ZMYND8: variants seen among roughly 807,000 people sequenced by gnomAD.
The protein encoded by ZMYND8 is MYND-type zinc finger-containing chromatin reader ZMYND8.
ZMYND8 carries 37 observed loss-of-function variants against 140.8 expected under a neutral mutation model. The ratio of observed to expected loss-of-function variants is 0.26; its 90% CI spans 0.20 to 0.35. ZMYND8 has a LOEUF of 0.35. Among genes scored for constraint, ZMYND8 ranks in the 10% least tolerant of loss-of-function variants. ZMYND8 has a pLI of 1.00. For synonymous variants in ZMYND8, 592 were observed against 597.1 expected (o/e 0.99, Z 0.12); for missense variants, 1,068 against 1,570.0 (o/e 0.68, Z 5.40).
At chr20:47,212,973 A>G (rs551854132) in intron 21 of ZMYND8, among the ~76,000 whole-genome samples, 1 of 152,354 alleles carries the variant, frequency 6.6e-6, no homozygotes, top group East Asian at 1.9e-4. Flanking sequence ...TAAGGTATAC[A>G]ATGACATAAA....
chr20:47,293,148 A>AAGGAAGGAAGGAAGGAAGGAAGGG (rs2077390073), intron 5 of ZMYND8, among the ~76,000 whole-genome samples: 1 of 83,292 alleles, frequency 1.2e-5, no homozygotes, highest in African/African-American at 6.6e-5. Flanking sequence ...GGAAGGAAGG[A>AAGGAAGGAAGGAAGGAAGGAAGGG]AGGGAGGGAG....
intron 12 of ZMYND8, among the ~76,000 whole-genome samples, chr20:47,259,298 A>C (rs1283511632): frequency 6.6e-6 from 1 of 152,174 alleles, no homozygotes; most frequent in Non-Finnish European, 1.5e-5. Flanking sequence ...CTTTTCACTC[A>C]AGTGAGGAAC....
At chr20:47,287,860 G>GCACACACA (rs1259919582) in intron 7 of ZMYND8, among the ~76,000 whole-genome samples, 7 of 140,886 alleles carry the variant, frequency 5.0e-5, no homozygotes, top group African/African-American at 8.2e-5. Flanking sequence ...ACGCACACAC[G>GCACACACA]CACACACATA....
At position 47,209,610 on chromosome 20, in the gene ZMYND8, TACA is replaced by T. The variant is rs2034992532; in HGVS notation, c.*1148_*1150del. 1.3e-5 allele frequency: 2 copies of T among 152,650 alleles called. No individual in the cohort carries two copies. Among genetic ancestry groups the T allele is most frequent in the African/African-American group, 4.8e-5 (2 of 41,576 alleles). The allele number at this position is 152,650 out of a possible 1,614,324, so 9.5% of individuals were successfully genotyped here. Reference sequence around the variant, plus strand: ...AGAGAAAGTAAACAAGACTAAAATGTACAACAAAACGTACTGGAATGATATCGT... The same window carrying T: ...AGAGAAAGTAAACAAGACTAAAATGTACAAAACGTACTGGAATGATATCGT... On this transcript the variant is annotated 3_prime_UTR_variant, in exon 23 of 23. Coordinates refer to ENST00000471951, the MANE Select transcript of ZMYND8 (RefSeq NM_001281775.3).
chr20:47,227,483 AT>A (rs1386752694), intron 17 of ZMYND8, among the ~76,000 whole-genome samples: 1 of 152,228 alleles, frequency 6.6e-6, no homozygotes, highest in Non-Finnish European at 1.5e-5. Context: ...TAAACAGGCC[AT>A]CAATTCCAAG....
chr20:47,286,994 TAAAAAACA>T (rs2076963970), intron 8 of ZMYND8, among the ~76,000 whole-genome samples: 2 of 151,898 alleles, frequency 1.3e-5, no homozygotes, highest in Admixed American at 1.3e-4. Context: ...GACTCAAGGG[TAAAAAACA>T]AAAAATCCTT....
chr20:47,294,877 G>C, intron 4 of ZMYND8, 98 bp from the exon 5 acceptor site: 1 of 1,122,562 alleles, frequency 8.9e-7, no homozygotes, highest in Non-Finnish European at 1.3e-6. Flanking sequence ...CAGACAAAAA[G>C]CAATTCTCAT....
Position 47,210,476 on chromosome 20 carries a change from T to A in ZMYND8, c.*285A>T. ...TTTTTTTTTAATAAGTTAAAGTTAA[T>A]ACAAATATAAAAAGGGGAAAGTCCT... On this transcript the variant is annotated 3_prime_UTR_variant, in exon 23 of 23. Coordinates refer to ENST00000471951, the MANE Select transcript of ZMYND8 (RefSeq NM_001281775.3). The A allele has an allele frequency of 2.8e-5, 6 of 217,468 alleles. No individual in the cohort carries two copies. The highest frequency in any genetic ancestry group is 3.6e-5 in the Non-Finnish European group (4 of 111,244). 13.5% of individuals were successfully genotyped at this position (217,468 alleles called of 1,614,324 possible). A position where few individuals can be genotyped will look rare whatever the true frequency, so the allele number is the denominator to read the frequency against.
intron 22 of ZMYND8, among the ~76,000 whole-genome samples, chr20:47,212,308 C>T (rs181005269): frequency 6.6e-6 from 1 of 152,270 alleles, no homozygotes; most frequent in East Asian, 1.9e-4. Context: ...ATCTGCAGGC[C>T]CTCACTCCTC....
Position 47,210,563 on chromosome 20 carries a change from G to T in ZMYND8, c.*198C>A. On this transcript the variant is annotated 3_prime_UTR_variant, in exon 23 of 23. Coordinates refer to ENST00000471951, the MANE Select transcript of ZMYND8 (RefSeq NM_001281775.3). ...ACACCAAAAGCACAGGGCTCGTGTG[G>T]GTGAACAGTCTGCAGTCAAAGCCGA... The T allele has an allele frequency of 4.3e-6, 3 of 699,134 alleles. No individual in the cohort carries two copies. Among genetic ancestry groups the T allele is most frequent in the Non-Finnish European group, 2.4e-6 (1 of 410,308 alleles). 43.3% of individuals were successfully genotyped at this position (699,134 alleles called of 1,614,324 possible). A position where few individuals can be genotyped will look rare whatever the true frequency, so the allele number is the denominator to read the frequency against.
At chr20:47,291,710 TTGTGATAGAGCATAGGCAG>T in intron 6 of ZMYND8, 67 bp downstream of exon 6, 1 of 998,168 alleles carries the variant, frequency 1.0e-6, no homozygotes. Flanking sequence ...TATGTCCAAC[TTGTGATAGAGCATAGGCAG>T]TGAGGGAAGA....
intron 12 of ZMYND8, among the ~76,000 whole-genome samples, chr20:47,254,736 G>T (rs1208524395): frequency 6.6e-6 from 1 of 152,006 alleles, no homozygotes; most frequent in African/African-American, 2.4e-5. Context: ...GGTGGGGTGG[G>T]GTGGAGGGGC....
At chr20:47,246,641 T>G (rs3746486) in intron 13 of ZMYND8, 124 bp from the exon 14 acceptor site, 1 of 1,348,448 alleles carries the variant, frequency 7.4e-7, no homozygotes, top group African/African-American at 1.5e-5. Flanking sequence ...TCGCATCACA[T>G]TGGCCTAAAT....
intron 5 of ZMYND8, among the ~76,000 whole-genome samples, 178 bp downstream of exon 5, chr20:47,294,488 C>T (rs2077517423): frequency 2.0e-5 from 3 of 152,110 alleles, no homozygotes; most frequent in African/African-American, 7.2e-5. Context: ...GTGCTTACTA[C>T]GACAGAGAAT....
Position 47,227,187 on chromosome 20 carries a change from G to C in ZMYND8, c.3016+16C>G, listed in dbSNP as rs377305459. On this transcript the variant is annotated intron_variant, in intron 18 of 22. Transcript: ENST00000471951. ...CCAAAACCCTCCTCAGTCCAGACCA[G>C]TGTGTCAGGCCTTACCTAAGTTGTG... The C allele has an allele frequency of 1.2e-6, 2 of 1,613,946 alleles. No individual in the cohort carries two copies. Among genetic ancestry groups the C allele is most frequent in the African/African-American group, 1.3e-5 (1 of 74,914 alleles).
At chr20:47,356,015 C>G (rs527389158) in intron 1 of ZMYND8, among the ~76,000 whole-genome samples, 1 of 151,952 alleles carries the variant, frequency 6.6e-6, no homozygotes, top group Non-Finnish European at 1.5e-5. Context: ...AAGAGAAGAC[C>G]GTGTACAGAC....
At chr20:47,224,999 C>T (rs553962265) in intron 18 of ZMYND8, among the ~76,000 whole-genome samples, 8 of 152,288 alleles carry the variant, frequency 5.3e-5, no homozygotes, top group African/African-American at 1.4e-4. Flanking sequence ...TCATATAACC[C>T]TCATCCTAAT....
At position 47,327,100 on chromosome 20, in the gene ZMYND8, G is replaced by C. The variant is rs553436780; in HGVS notation, c.86-16896C>G. Among the ~76,000 whole-genome samples the C allele has an allele frequency of 6.9e-4, 105 of 152,136 alleles. 1 individual carries two copies. Among genetic ancestry groups the C allele is most frequent in the Admixed American group, 1.9e-3 (29 of 15,270 alleles). ...AGCTGATGCGGTGAACCAGTGATCT[G>C]GAAAAGGAGCAATCAGTGGCCAGGA... On this transcript the variant is annotated intron_variant, in intron 2 of 22. Transcript: ENST00000471951.
intron 13 of ZMYND8, among the ~76,000 whole-genome samples, chr20:47,247,393 C>T (rs576346717): frequency 2.6e-4 from 40 of 152,314 alleles, no homozygotes; most frequent in African/African-American, 8.2e-4. Context: ...AACTGCCACT[C>T]GGTGTGCATT....
Sources: gnomAD v4.1 joint callset for allele counts (sites outside exome capture counted in the v4.1 genomes callset) on GRCh38, gnomAD v4.1.1 for gene constraint, MANE v1.5 for transcripts, NCBI Gene and HGNC (gene_info 2026-07-23, HGNC 2026-07-21) for gene names.